Variants in LRPPRC observed in about 807,000 individuals in gnomAD.
LRPPRC encodes the protein leucine rich pentatricopeptide repeat containing.
LRPPRC carries 120 observed loss-of-function variants against 180.3 expected under a neutral mutation model. That is an observed-to-expected ratio of 0.67 (90% CI 0.57 to 0.77). The LOEUF (loss-of-function observed/expected upper bound fraction) is 0.77. Among genes scored for constraint, LRPPRC ranks in the 30% least tolerant of loss-of-function variants. The probability of loss-of-function intolerance (pLI) is 0.00; values close to 1 mark genes in which losing one functional copy is unlikely to be tolerated. For synonymous variants in LRPPRC, 723 were observed against 600.0 expected, an observed-to-expected ratio of 1.21 and a Z score of -3.00; for missense variants, 2,012 against 1,657.2, an observed-to-expected ratio of 1.21 and a Z score of -3.72.
chr2:43,987,314 C>T (rs558947608), intron 1 of LRPPRC, among the ~76,000 whole-genome samples: 2 of 151,806 alleles, frequency 1.3e-5, no homozygotes, highest in East Asian at 1.9e-4. Context: ...GCTAACAAGG[C>T]GAAACCCCGT....
intron 1 of LRPPRC, among the ~76,000 whole-genome samples, chr2:43,988,302 CA>C (rs1674623070): frequency 6.6e-6 from 1 of 150,618 alleles, no homozygotes; most frequent in South Asian, 2.1e-4. Flanking sequence ...TTTGGGAGGC[CA>C]AGGCGGGCGG....
At chr2:43,991,116 G>A (rs1398088921) in intron 1 of LRPPRC, among the ~76,000 whole-genome samples, 1 of 150,212 alleles carries the variant, frequency 6.7e-6, no homozygotes, top group Non-Finnish European at 1.5e-5. Flanking sequence ...TACAAGCTCC[G>A]CCTCCCAGGT....
At chr2:43,915,216 TCTCTCTCTCTCTCTCTCACACA>T (rs1243879724) in intron 29 of LRPPRC, among the ~76,000 whole-genome samples, 1 of 102,530 alleles carries the variant, frequency 9.8e-6, no homozygotes, top group East Asian at 3.5e-4. Context: ...TCTCTCTCTC[TCTCTCTCTCTCTCTCTCACACA>T]CACACACACA....
chr2:43,960,995 C>T (rs1030609244), intron 12 of LRPPRC, among the ~76,000 whole-genome samples: 1 of 152,142 alleles, frequency 6.6e-6, no homozygotes, highest in Non-Finnish European at 1.5e-5. Flanking sequence ...TGTAATTTAA[C>T]TCATAGAGGC....
At chr2:43,979,743 G>A in intron 3 of LRPPRC, 83 bp downstream of exon 3, 2 of 1,216,110 alleles carry the variant, frequency 1.6e-6, no homozygotes, top group Non-Finnish European at 2.4e-6. Flanking sequence ...CTGAATTACA[G>A]CATTTATGTA....
At chr2:43,912,331 A>G (rs1671291905) in intron 30 of LRPPRC, 101 bp downstream of exon 30, 1 of 1,071,122 alleles carries the variant, frequency 9.3e-7, no homozygotes, top group Non-Finnish European at 1.4e-6. Flanking sequence ...GAGGCCAATC[A>G]AGCAATTTTA....
intron 25 of LRPPRC, among the ~76,000 whole-genome samples, chr2:43,927,494 C>T (rs1671925719): frequency 6.6e-6 from 1 of 152,198 alleles, no homozygotes; most frequent in Non-Finnish European, 1.5e-5. Flanking sequence ...TTAATATCTA[C>T]ACTCAGGCAC....
chr2:43,915,272 ACACAC>A (rs1347580805), intron 29 of LRPPRC, among the ~76,000 whole-genome samples: 2 of 146,662 alleles, frequency 1.4e-5, no homozygotes, highest in South Asian at 2.2e-4. Context: ...ACACACACAC[ACACAC>A]AAGTTCATCA....
chr2:43,938,255 G>A (rs1050564573), intron 23 of LRPPRC, among the ~76,000 whole-genome samples: 5 of 151,042 alleles, frequency 3.3e-5, no homozygotes, highest in South Asian at 2.1e-4. Flanking sequence ...ATAAAACTAC[G>A]TACACTAATA....
intron 7 of LRPPRC, 129 bp from the exon 8 acceptor site, chr2:43,974,887 A>T: frequency 9.7e-7 from 1 of 1,035,798 alleles, no homozygotes; most frequent in Non-Finnish European, 1.5e-6. Context: ...CTTCTTTTAA[A>T]AAACAGGAAA....
intron 1 of LRPPRC, among the ~76,000 whole-genome samples, chr2:43,989,741 T>C (rs145121521): frequency 3.6e-4 from 55 of 152,290 alleles, no homozygotes; most frequent in African/African-American, 1.2e-3. Flanking sequence ...GTAAAACACT[T>C]GTAACATATG....
At chr2:43,901,737 T>G in intron 31 of LRPPRC, 1 of 538,690 alleles carries the variant, frequency 1.9e-6, no homozygotes, top group South Asian at 2.3e-5. Flanking sequence ...CCCGAGGAAT[T>G]TCTTCTTTAA....
intron 25 of LRPPRC, among the ~76,000 whole-genome samples, chr2:43,929,998 A>G (rs1378513206): frequency 6.6e-6 from 1 of 152,124 alleles, no homozygotes; most frequent in Non-Finnish European, 1.5e-5. Context: ...TAGCTCTAAA[A>G]TCCACTGTCT....
intron 25 of LRPPRC, among the ~76,000 whole-genome samples, chr2:43,933,024 G>C (rs979836206): frequency 6.6e-6 from 1 of 152,074 alleles, no homozygotes; most frequent in Non-Finnish European, 1.5e-5. Context: ...TCTCACATTT[G>C]GATTCACTGT....
intron 29 of LRPPRC, among the ~76,000 whole-genome samples, chr2:43,915,509 C>T (rs189035415): frequency 3.3e-5 from 5 of 152,020 alleles, no homozygotes; most frequent in Non-Finnish European, 7.4e-5. Flanking sequence ...TATGGGGAAA[C>T]CCTGTCTCTA....
intron 2 of LRPPRC, 24 bp downstream of exon 2, chr2:43,982,214 T>C (rs1009493540): frequency 6.5e-7 from 1 of 1,531,600 alleles, no homozygotes; most frequent in South Asian, 1.3e-5. Context: ...AAGTCAACTT[T>C]ATGAACAGGA....
At chr2:43,992,440 G>A (rs913303351) in intron 1 of LRPPRC, among the ~76,000 whole-genome samples, 4 of 152,146 alleles carry the variant, frequency 2.6e-5, no homozygotes, top group African/African-American at 9.7e-5. Context: ...GCCATGGGAG[G>A]GAACTCAGAA....
At chr2:43,974,845 A>C (rs1416044785) in intron 7 of LRPPRC, 87 bp from the exon 8 acceptor site, 1 of 1,375,036 alleles carries the variant, frequency 7.3e-7, no homozygotes, top group Non-Finnish European at 1.0e-6. Context: ...GATTCAAAAA[A>C]CTAGGGAAAA....
intron 30 of LRPPRC, among the ~76,000 whole-genome samples, chr2:43,910,179 C>T (rs942166654): frequency 2.0e-5 from 3 of 152,000 alleles, no homozygotes; most frequent in African/African-American, 7.3e-5. Flanking sequence ...CTTCAATGAG[C>T]AGCATGCACA....
Sources: allele counts gnomAD v4.1 joint callset (sites outside exome capture counted in the v4.1 genomes callset), GRCh38; gene constraint gnomAD v4.1.1; transcripts MANE v1.5; gene names NCBI Gene and HGNC (gene_info 2026-07-23, HGNC 2026-07-21).